Variants in SEMA3A observed in about 807,000 individuals in gnomAD.
The protein encoded by SEMA3A is semaphorin-3A.
Under a neutral mutation model 97.9 loss-of-function variants are expected in SEMA3A, and 29 were observed. That is an observed-to-expected ratio of 0.30 (90% CI 0.22 to 0.40). The LOEUF is 0.40. Ranked by LOEUF, SEMA3A falls within the 10% of genes least tolerant of loss-of-function variation. SEMA3A has a pLI of 1.00. For synonymous variants in SEMA3A, 321 were observed against 323.7 expected (o/e 0.99, Z 0.09); for missense variants, 763 against 951.3 (o/e 0.80, Z 2.60).
rs1192016635 is a variant in SEMA3A, at chr7:84,064,646, A to G, written c.454-4088T>C. Among the ~76,000 whole-genome samples, 196 of 151,386 alleles carry G rather than the reference A, an allele frequency of 1.3e-3. 1 individual carries two copies. In the South Asian group the frequency reaches 0.014, roughly 11 times the overall value. ...TAGTCTCTGATAAAACAGACTTTAA[A>G]CCAACAAAGATCAAAAGAGACAAAG... On this transcript the variant is annotated intron_variant, in intron 4 of 16. Transcript: ENST00000265362.
intron 2 of SEMA3A, among the ~76,000 whole-genome samples, chr7:84,310,417 CAA>C (rs1162976403): frequency 1.3e-5 from 2 of 151,736 alleles, no homozygotes; most frequent in Non-Finnish European, 2.9e-5. Flanking sequence ...AAAAATCTGT[CAA>C]AAGAGGTTCC....
chr7:84,195,922 G>T (rs1051519108), upstream of SEMA3A, among the ~76,000 whole-genome samples: 4 of 152,136 alleles, frequency 2.6e-5, no homozygotes, highest in African/African-American at 9.7e-5. Flanking sequence ...ATGTATTCAG[G>T]CAGTCATATG....
chr7:84,100,566 G>A (rs1243373673), intron 4 of SEMA3A, among the ~76,000 whole-genome samples: 1 of 152,164 alleles, frequency 6.6e-6, no homozygotes, highest in Non-Finnish European at 1.5e-5. Context: ...GTTATTGGGA[G>A]TATGATTTGT....
At chr7:84,404,623 A>G (rs1804016030) in intron 1 of SEMA3A, among the ~76,000 whole-genome samples, 1 of 152,174 alleles carries the variant, frequency 6.6e-6, no homozygotes, top group Admixed American at 6.5e-5. Flanking sequence ...TGAAGGAAAA[A>G]ATGTTAAGGG....
chr7:84,292,047 C>T (rs753240985), intron 3 of SEMA3A, among the ~76,000 whole-genome samples: 2 of 152,126 alleles, frequency 1.3e-5, no homozygotes, highest in Non-Finnish European at 2.9e-5. Flanking sequence ...ATTGCTACTT[C>T]TAAGCTAATC....
At chr7:83,979,779 A>G (rs1789317268) in intron 14 of SEMA3A, among the ~76,000 whole-genome samples, 1 of 152,186 alleles carries the variant, frequency 6.6e-6, no homozygotes, top group Non-Finnish European at 1.5e-5. Context: ...GACTACTTAT[A>G]TAACAGACTA....
At chr7:84,447,604 T>G (rs1315106275) in intron 1 of SEMA3A, among the ~76,000 whole-genome samples, 3 of 152,114 alleles carry the variant, frequency 2.0e-5, no homozygotes, top group Admixed American at 1.3e-4. Flanking sequence ...CTCATTGGAA[T>G]GACCTGCCTG....
chr7:84,249,783 T>C (rs1190052433), intron 3 of SEMA3A, among the ~76,000 whole-genome samples: 1 of 140,254 alleles, frequency 7.1e-6, no homozygotes, highest in Admixed American at 7.2e-5. Context: ...GATTCCTTTC[T>C]AAAAAAAAAA....
Position 84,387,483 on chromosome 7 carries a change from T to C in SEMA3A, c.-245-15583A>G, listed in dbSNP as rs1453077652. Among the ~76,000 whole-genome samples the C allele has an allele frequency of 2.0e-5, 3 of 152,320 alleles. No individual in the cohort carries two copies. The East Asian group carries it at 5.8e-4, about 29-fold the overall frequency. ...TAGGAGAAGCACAGATTAAATTTAA[T>C]GGCTCACAATATTTAATTTTGTTTT... is the stretch of plus-strand genomic sequence containing the variant. On this transcript the variant is annotated intron_variant, in intron 1 of 3. Transcript: ENST00000424555.
rs118151785 is a variant in SEMA3A, at chr7:84,445,130, A to G, written c.-246+47330T>C. 0.012 allele frequency among the ~76,000 whole-genome samples: 1,883 copies of G among 152,204 alleles called. 79 individuals are homozygous for G. The East Asian group carries it at 0.16, about 13-fold the overall frequency. On this transcript the variant is annotated intron_variant, in intron 1 of 3. Transcript: ENST00000424555. ...GAAATCCACATTTAGTTTCTAAATA[A>G]TATGCATTTTCCATGAACATTCTGA...
In SEMA3A at chr7:84,203,179, G is replaced by C. The variant is rs148169759; in HGVS notation, c.-82-8511C>G. ...CTTTATATATTTTTGAAAAAGCCTTGCATAATACATCACAATATTTTGCAA... is the reference window on the plus strand; with the variant it reads ...CTTTATATATTTTTGAAAAAGCCTTCCATAATACATCACAATATTTTGCAA... On this transcript the variant is annotated intron_variant, in intron 3 of 3. Transcript: ENST00000424555. Among the ~76,000 whole-genome samples the C allele has an allele frequency of 3.9e-3, 588 of 151,998 alleles. 9 individuals are homozygous for C. The highest frequency in any genetic ancestry group is 0.014 in the African/African-American group (564 of 41,484).
At chr7:84,398,074 A>C (rs1803785691) in intron 1 of SEMA3A, among the ~76,000 whole-genome samples, 1 of 152,198 alleles carries the variant, frequency 6.6e-6, no homozygotes, top group Non-Finnish European at 1.5e-5. Context: ...AGTGAAGATA[A>C]GCAAATTAAC....
At chr7:84,357,230 T>C (rs1802584448) in intron 2 of SEMA3A, among the ~76,000 whole-genome samples, 1 of 152,058 alleles carries the variant, frequency 6.6e-6, no homozygotes, top group East Asian at 1.9e-4. Flanking sequence ...GCTGCACCCA[T>C]TAACTTGTCA....
chr7:84,428,798 T>C (rs921075475), intron 1 of SEMA3A, among the ~76,000 whole-genome samples: 2 of 152,026 alleles, frequency 1.3e-5, no homozygotes, highest in Non-Finnish European at 2.9e-5. Context: ...ATTTAATAAA[T>C]GCAAAACAAT....
chr7:84,014,794 G>T (rs936562347), intron 6 of SEMA3A, among the ~76,000 whole-genome samples: 6 of 152,046 alleles, frequency 3.9e-5, no homozygotes, highest in Non-Finnish European at 7.4e-5. Context: ...AGTGAAATCC[G>T]TATAAAACAA....
intron 1 of SEMA3A, among the ~76,000 whole-genome samples, chr7:84,425,930 A>C (rs1322558871): frequency 1.3e-5 from 2 of 151,460 alleles, no homozygotes; most frequent in Non-Finnish European, 2.9e-5. Context: ...CTTTTGCAGC[A>C]ACTAGGATGG....
At chr7:83,968,005 C>T (rs1788773074) in intron 15 of SEMA3A, among the ~76,000 whole-genome samples, 1 of 152,122 alleles carries the variant, frequency 6.6e-6, no homozygotes, top group Non-Finnish European at 1.5e-5. Context: ...CCCCCTACTG[C>T]ATGCTATCAA....
intron 1 of SEMA3A, among the ~76,000 whole-genome samples, chr7:84,479,336 C>A (rs1806384100): frequency 6.6e-6 from 1 of 152,176 alleles, no homozygotes; most frequent in Non-Finnish European, 1.5e-5. Flanking sequence ...TAGCTAATAG[C>A]CAATTAAACA....
At chr7:84,085,988 G>A (rs1292909649) in intron 4 of SEMA3A, among the ~76,000 whole-genome samples, 1 of 152,058 alleles carries the variant, frequency 6.6e-6, no homozygotes, top group Non-Finnish European at 1.5e-5. Context: ...AAGAGTTTCG[G>A]CTTCCAAAGA....
Sources: gnomAD v4.1 joint callset for allele counts (sites outside exome capture counted in the v4.1 genomes callset) on GRCh38, gnomAD v4.1.1 for gene constraint, MANE v1.5 for transcripts, NCBI Gene and HGNC (gene_info 2026-07-23, HGNC 2026-07-21) for gene names.